FHIT: variants seen among roughly 807,000 people sequenced by gnomAD.
The protein encoded by FHIT is fragile histidine triad diadenosine triphosphatase.
FHIT carries 19 observed loss-of-function variants against 17.9 expected under a neutral mutation model. The ratio of observed to expected loss-of-function variants is 1.06; its 90% CI spans 0.74 to 1.56. The LOEUF (loss-of-function observed/expected upper bound fraction) is 1.56, where lower values mean the gene tolerates loss of function less well. Among genes scored for constraint, FHIT ranks in the 40% most tolerant of loss-of-function variants. The pLI is 0.00. For missense variants in FHIT, 248 were observed against 189.2 expected (o/e 1.31, Z -1.82); for synonymous variants, 81 against 69.7 (o/e 1.16, Z -0.81).
At chr3:60,681,406 A>T (rs2107862886) in intron 4 of FHIT, among the ~76,000 whole-genome samples, 1 of 152,272 alleles carries the variant, frequency 6.6e-6, no homozygotes, top group South Asian at 2.1e-4. Context: ...GAGACACAAC[A>T]AATTGAAATT....
chr3:60,610,713 G>A (rs142578097), intron 4 of FHIT, among the ~76,000 whole-genome samples: 17 of 152,186 alleles, frequency 1.1e-4, no homozygotes, highest in South Asian at 2.1e-4. Flanking sequence ...AACACCTTGC[G>A]GCTGCTCTTT....
At chr3:61,169,800 G>C (rs1318165677) in intron 2 of FHIT, among the ~76,000 whole-genome samples, 1 of 152,150 alleles carries the variant, frequency 6.6e-6, no homozygotes, top group Non-Finnish European at 1.5e-5. Flanking sequence ...AGAGAGATCA[G>C]GTTCAACTCC....
intron 4 of FHIT, among the ~76,000 whole-genome samples, chr3:60,552,659 C>T (rs1203405568): frequency 6.6e-6 from 1 of 152,190 alleles, no homozygotes; most frequent in Admixed American, 6.5e-5. Flanking sequence ...TTTATACCTA[C>T]TCCCTCTTCC....
intron 4 of FHIT, among the ~76,000 whole-genome samples, chr3:60,554,098 A>C (rs945520360): frequency 1.3e-5 from 2 of 152,168 alleles, no homozygotes; most frequent in Admixed American, 1.3e-4. Flanking sequence ...TCTCAAAAAA[A>C]GAAAAAAAAC....
At chr3:60,959,339 T>C (rs1366855625) in intron 3 of FHIT, among the ~76,000 whole-genome samples, 1 of 152,228 alleles carries the variant, frequency 6.6e-6, no homozygotes, top group Non-Finnish European at 1.5e-5. Context: ...TTGAAGTTAT[T>C]TCCCATAATT....
At chr3:60,576,423 A>T (rs1395380458) in intron 4 of FHIT, among the ~76,000 whole-genome samples, 1 of 152,102 alleles carries the variant, frequency 6.6e-6, no homozygotes, top group Non-Finnish European at 1.5e-5. Context: ...AGCAAAAGGA[A>T]AGAAATGCAA....
intron 8 of FHIT, among the ~76,000 whole-genome samples, chr3:59,911,543 T>C (rs1323741576): frequency 1.3e-5 from 2 of 152,166 alleles, no homozygotes; most frequent in South Asian, 2.1e-4. Flanking sequence ...GCCTTGGTGA[T>C]TTGATTCTGG....
At chr3:60,138,247 T>C (rs1452083108) in intron 5 of FHIT, among the ~76,000 whole-genome samples, 1 of 152,184 alleles carries the variant, frequency 6.6e-6, no homozygotes, top group Non-Finnish European at 1.5e-5. Context: ...TGAAAAGTGA[T>C]TGATGCTAAG....
At chr3:60,949,243 G>A (rs540584300) in intron 3 of FHIT, among the ~76,000 whole-genome samples, 88 of 152,290 alleles carry the variant, frequency 5.8e-4, no homozygotes, top group Middle Eastern at 3.4e-3. Context: ...CAGGAGGGGA[G>A]CATGTGACAG....
chr3:59,839,337 A>G (rs1575573319), intron 8 of FHIT, among the ~76,000 whole-genome samples: 1 of 151,500 alleles, frequency 6.6e-6, no homozygotes, highest in East Asian at 1.9e-4. Context: ...AAAAACAAAA[A>G]GAAAAGAAAA....
At chr3:60,925,224 C>G (rs1480466914) in intron 3 of FHIT, among the ~76,000 whole-genome samples, 1 of 152,118 alleles carries the variant, frequency 6.6e-6, no homozygotes, top group Non-Finnish European at 1.5e-5. Flanking sequence ...CAAAGATACT[C>G]CTCGAGAAGA....
intron 8 of FHIT, among the ~76,000 whole-genome samples, chr3:59,873,988 G>T (rs1039605580): frequency 6.6e-6 from 1 of 151,788 alleles, no homozygotes; most frequent in South Asian, 2.1e-4. Context: ...CTGGTGAACC[G>T]GTCTCCTCTT....
In FHIT at chr3:60,850,323, TTCTCTCTCTCTCTCTC is replaced by T. The variant is rs3046704; in HGVS notation, c.-110-28328_-110-28313del. Reference sequence around the variant, plus strand: ...CATGTTAGGGCCTTTGTGTCTGCACTTCTCTCTCTCTCTCTCTCTCTCTCTCTCTCTCTCTCTCTCT... The same window carrying T: ...CATGTTAGGGCCTTTGTGTCTGCACTTCTCTCTCTCTCTCTCTCTCTCTCT... On this transcript the variant is annotated intron_variant, in intron 3 of 9. Coordinates refer to ENST00000492590, the MANE Select transcript of FHIT (RefSeq NM_002012.4). 1.4e-3 allele frequency among the ~76,000 whole-genome samples: 172 copies of T among 120,248 alleles called. 1 individual carries two copies. Among genetic ancestry groups the T allele is most frequent in the African/African-American group, 4.8e-3 (155 of 31,994 alleles). 78.9% of individuals were successfully genotyped at this position (120,248 alleles called of 152,430 possible). A position where few individuals can be genotyped will look rare whatever the true frequency, so the allele number is the denominator to read the frequency against.
chr3:60,355,790 CTCTT>C (rs1465649108), intron 5 of FHIT, among the ~76,000 whole-genome samples: 1 of 152,126 alleles, frequency 6.6e-6, no homozygotes, highest in Non-Finnish European at 1.5e-5. Context: ...AATTCAGAAG[CTCTT>C]TATGTTGTAA....
chr3:60,684,404 T>C (rs567325824), intron 4 of FHIT, among the ~76,000 whole-genome samples: 2 of 152,162 alleles, frequency 1.3e-5, no homozygotes, highest in East Asian at 3.9e-4. Context: ...AATATTCAAC[T>C]TGGCACACTC....
intron 8 of FHIT, among the ~76,000 whole-genome samples, chr3:59,887,029 C>T (rs1487356890): frequency 6.6e-6 from 1 of 152,098 alleles, no homozygotes; most frequent in Non-Finnish European, 1.5e-5. Flanking sequence ...CAGTAAATAA[C>T]TTTGGCTGGC....
chr3:60,542,236 C>A (rs1176575985), intron 4 of FHIT, among the ~76,000 whole-genome samples: 2 of 152,206 alleles, frequency 1.3e-5, no homozygotes, highest in African/African-American at 2.4e-5. Flanking sequence ...CTTGCCCATT[C>A]CTCTAGTGCT....
rs1214628454 is a variant in FHIT at position 59,986,774 on chromosome 3, A to T, written c.279+24597T>A. Among the ~76,000 whole-genome samples the T allele has an allele frequency of 6.2e-3, 17 of 2,742 alleles. 5 individuals are homozygous for T. In the South Asian group the frequency reaches 0.069, roughly 11 times the overall value. 1.8% of individuals were successfully genotyped at this position (2,742 alleles called of 152,430 possible). A position where few individuals can be genotyped will look rare whatever the true frequency, so the allele number is the denominator to read the frequency against. ...TATATATATAAATATATTTATATAA[A>T]TATATAAATATATATATATAAATAT... On this transcript the variant is annotated intron_variant, in intron 7 of 9. Coordinates refer to ENST00000492590, the MANE Select transcript of FHIT (RefSeq NM_002012.4).
intron 5 of FHIT, among the ~76,000 whole-genome samples, chr3:60,283,117 T>C (rs1035281459): frequency 2.0e-5 from 3 of 152,142 alleles, no homozygotes; most frequent in Non-Finnish European, 2.9e-5. Flanking sequence ...TCTGTTCATG[T>C]TCTCCAGTAA....
Sources: allele counts gnomAD v4.1 joint callset (sites outside exome capture counted in the v4.1 genomes callset), GRCh38; gene constraint gnomAD v4.1.1; transcripts MANE v1.5; gene names NCBI Gene and HGNC (gene_info 2026-07-23, HGNC 2026-07-21).